ARL17A: variants seen among roughly 807,000 people sequenced by gnomAD.
ARL17A encodes the protein ADP-ribosylation factor-like 17-like.
chr17:46,502,208 A>G, the ARL17A span, among the ~76,000 whole-genome samples: 1 of 151,302 alleles, frequency 6.6e-6, no homozygotes, highest in South Asian at 2.1e-4. Context: ...AAGTTAATAG[A>G]TGAGTGAGAG....
At chr17:46,516,332 A>G (rs1242309286), downstream of ARL17A, among the ~76,000 whole-genome samples, 4 of 100,902 alleles carry the variant, frequency 4.0e-5, no homozygotes, top group African/African-American at 1.1e-4. Flanking sequence ...GGGAAGAAAG[A>G]GAATAGGCAT....
chr17:46,568,992 G>C (rs1293177952), intron 3 of ARL17A, among the ~76,000 whole-genome samples: 1 of 130,746 alleles, frequency 7.6e-6, no homozygotes, highest in African/African-American at 3.0e-5. Context: ...GCCCAGGCTG[G>C]GGTGCAATGG....
At chr17:46,543,875 G>C (rs1420597820) in intron 3 of ARL17A, among the ~76,000 whole-genome samples, 2 of 149,592 alleles carry the variant, frequency 1.3e-5, no homozygotes, top group African/African-American at 5.1e-5. Flanking sequence ...CCAGCACTTT[G>C]GGAGGCCAAA....
intron 4 of ARL17A, among the ~76,000 whole-genome samples, chr17:46,530,194 CA>C (rs1324769335): frequency 3.0e-5 from 4 of 132,226 alleles, no homozygotes; most frequent in Non-Finnish European, 6.5e-5. Flanking sequence ...GCCCAGCCTA[CA>C]TTCATTTTTA....
downstream of ARL17A, among the ~76,000 whole-genome samples, chr17:46,516,192 A>G (rs1249840974): frequency 2.7e-5 from 4 of 148,860 alleles, no homozygotes; most frequent in Non-Finnish European, 4.5e-5. Context: ...AGTCCCAGCT[A>G]CTCGGGAGGC....
At chr17:46,541,772 A>G (rs2055366833) in intron 3 of ARL17A, among the ~76,000 whole-genome samples, 2 of 151,040 alleles carry the variant, frequency 1.3e-5, no homozygotes, top group Non-Finnish European at 2.9e-5. Context: ...TTTACACTGT[A>G]TTAGGTACTT....
downstream of ARL17A, among the ~76,000 whole-genome samples, chr17:46,525,602 T>A (rs139043054): frequency 0.014 from 1,412 of 103,190 alleles, 82 homozygotes; most frequent in African/African-American, 0.047. Flanking sequence ...ATAATAATAA[T>A]ATAATAATAA....
At position 46,554,785 on chromosome 17, in the gene ARL17A, C is replaced by CT; in HGVS notation, c.*2570dup. 1.6e-5 allele frequency: 1 copy of CT among 63,224 alleles called. No individual in the cohort carries two copies. The highest frequency in any genetic ancestry group is 2.4e-5 in the Non-Finnish European group (1 of 41,870). The allele number at this position is 63,224 out of a possible 1,614,324, so 3.9% of individuals were successfully genotyped here. A position where few individuals can be genotyped will look rare whatever the true frequency, so the allele number is the denominator to read the frequency against. ...CCCCCATCAAATGATGCCTGTGAGA[C>CT]TAAGTCCGAAGGGGACTGATATAAA... On this transcript the variant is annotated 3_prime_UTR_variant, in exon 4 of 4. Coordinates refer to ENST00000336125, the MANE Select transcript of ARL17A (RefSeq NM_001113738.2).
intron 4 of ARL17A, among the ~76,000 whole-genome samples, chr17:46,533,533 A>T (rs2054058807): frequency 7.7e-6 from 1 of 129,462 alleles, no homozygotes. Flanking sequence ...ACAGAGTCTC[A>T]CTCTGTTGCC....
chr17:46,532,868 C>T lies in ARL17A; in HGVS notation c.336-4009G>A, dbSNP rs561106069. Among the ~76,000 whole-genome samples the T allele has an allele frequency of 1.3e-4, 19 of 149,188 alleles. 2 individuals are homozygous for T. The highest frequency in any genetic ancestry group is 4.2e-4 in the South Asian group (2 of 4,736). On this transcript the variant is annotated intron_variant, in intron 4 of 4. Coordinates refer to the ARL17A transcript ENST00000329240. ...GTCATCCTAGCACTTTGGGAGGCTG[C>T]GGTGGGAGGATTGCTTGACCCCAGG...
rs62073354 is a variant in ARL17A, at chr17:46,553,269, A to G, written c.*4087T>C. The G allele has an allele frequency of 0.24, 275,197 of 1,159,026 alleles. 79,999 individuals are homozygous for G. Among genetic ancestry groups the G allele is most frequent in the South Asian group, 0.54 (33,211 of 61,796 alleles). 71.8% of individuals were successfully genotyped at this position (1,159,026 alleles called of 1,614,324 possible). On this transcript the variant is annotated 3_prime_UTR_variant, in exon 4 of 4. Transcript: ENST00000336125. ...GAATCAAAGCAGTGTTACACAGCATACAATTCCTGTCTTCAAAAAAGTTAC... is the reference window on the plus strand; with the variant it reads ...GAATCAAAGCAGTGTTACACAGCATGCAATTCCTGTCTTCAAAAAAGTTAC...
At chr17:46,500,960 A>G in the ARL17A span, among the ~76,000 whole-genome samples, 2 of 151,296 alleles carry the variant, frequency 1.3e-5, no homozygotes, top group Admixed American at 1.3e-4. Context: ...CGGGTGGATC[A>G]CCTGAGGTGA....
intron 3 of ARL17A, among the ~76,000 whole-genome samples, chr17:46,569,349 T>TTA (rs369186347): frequency 0.12 from 16,478 of 142,434 alleles, 4 homozygotes; most frequent in Middle Eastern, 0.18. Flanking sequence ...CATGAAGATT[T>TTA]TATATATATA....
rs1046078807 is a variant in ARL17A, at chr17:46,543,353, A to G, written c.260-4927T>C. Reference sequence around the variant, plus strand: ...TCATTTACAGTCTCAAAGATTTGTCAGTATACTTTAAAACAATCCTGGGAA... The same window carrying G: ...TCATTTACAGTCTCAAAGATTTGTCGGTATACTTTAAAACAATCCTGGGAA... On this transcript the variant is annotated intron_variant, in intron 3 of 4. Coordinates refer to the ARL17A transcript ENST00000329240. Among the ~76,000 whole-genome samples the G allele has an allele frequency of 4.6e-5, 7 of 150,886 alleles. 1 individual carries two copies. The highest frequency in any genetic ancestry group is 3.3e-4 in the Admixed American group (5 of 15,268).
At chr17:46,526,662 GGTCT>G (rs1311027093), downstream of ARL17A, among the ~76,000 whole-genome samples, 1 of 108,336 alleles carries the variant, frequency 9.2e-6, no homozygotes, top group East Asian at 2.4e-4. Flanking sequence ...AGGGTGATAG[GGTCT>G]GTCTATTTTG....
downstream of ARL17A, among the ~76,000 whole-genome samples, chr17:46,551,055 T>C (rs2056752469): frequency 2.0e-5 from 3 of 150,082 alleles, no homozygotes; most frequent in Non-Finnish European, 4.4e-5. Flanking sequence ...CAAAAATTTT[T>C]GGCCACATTT....
rs770812356 is a variant in ARL17A at position 46,553,372 on chromosome 17, A to C, written c.*3984T>G. 1 of 1,609,452 alleles carries C rather than the reference A, an allele frequency of 6.2e-7. No individual in the cohort carries two copies. Among genetic ancestry groups the C allele is most frequent in the South Asian group, 1.1e-5 (1 of 90,986 alleles). On this transcript the variant is annotated 3_prime_UTR_variant, in exon 4 of 4. Coordinates refer to ENST00000336125, the MANE Select transcript of ARL17A (RefSeq NM_001113738.2). ...GAGACGGTGGTTGTTGTCATAGATA[A>C]TCTTAATTGCGTTTTCTTCTAAAAC...
intron 3 of ARL17A, among the ~76,000 whole-genome samples, chr17:46,542,696 A>G (rs1357920243): frequency 6.7e-6 from 1 of 150,016 alleles, no homozygotes; most frequent in Non-Finnish European, 1.5e-5. Flanking sequence ...CCCTGTCTAA[A>G]ATATATATAT....
chr17:46,550,936 C>T (rs563589156), downstream of ARL17A, among the ~76,000 whole-genome samples: 5 of 148,990 alleles, frequency 3.4e-5, no homozygotes, highest in East Asian at 5.8e-4. Flanking sequence ...AGCCAAAAGA[C>T]ATACGTATTG....
Sources: gnomAD v4.1 joint callset for allele counts (sites outside exome capture counted in the v4.1 genomes callset) on GRCh38, gnomAD v4.1.1 for gene constraint, MANE v1.5 for transcripts, NCBI Gene and HGNC (gene_info 2026-07-23, HGNC 2026-07-21) for gene names.